The following APBB1IP variants were observed in gnomAD, a reference collection of about 807,000 sequenced individuals.
APBB1IP encodes the protein amyloid beta precursor protein binding family B member 1 interacting protein.
A neutral mutation model predicts 64.9 loss-of-function variants in APBB1IP; 27 were observed. The observed-to-expected ratio is 0.42, with a 90% confidence interval of 0.31 to 0.57. APBB1IP has a LOEUF of 0.57. APBB1IP is among the 20% of genes least tolerant of loss of function. APBB1IP has a pLI of 0.20. For synonymous variants in APBB1IP, 392 were observed against 331.0 expected (o/e 1.18, Z -2.00); for missense variants, 812 against 845.5 (o/e 0.96, Z 0.49).
intron 13 of APBB1IP, among the ~76,000 whole-genome samples, chr10:26,561,048 T>TTTTCTTTC (rs1225313382): frequency 1.4e-5 from 2 of 141,814 alleles, no homozygotes; most frequent in Non-Finnish European, 3.1e-5. Flanking sequence ...TCTTTTCTTT[T>TTTTCTTTC]TTTCTTTCTT....
At chr10:26,566,645 C>G (rs1265424349) in intron 14 of APBB1IP, among the ~76,000 whole-genome samples, 1 of 152,118 alleles carries the variant, frequency 6.6e-6, no homozygotes, top group Non-Finnish European at 1.5e-5. Context: ...GAGCTCATGA[C>G]CGACCAGGAG....
At chr10:26,545,551 G>C (rs1458350248) in intron 11 of APBB1IP, among the ~76,000 whole-genome samples, 4 of 152,094 alleles carry the variant, frequency 2.6e-5, no homozygotes, top group Non-Finnish European at 5.9e-5. Flanking sequence ...ACGAGGTCAG[G>C]AGATCGAGAC....
In APBB1IP at chr10:26,493,494, G is replaced by A. The variant is rs564869141; in HGVS notation, c.72+1096G>A. Among the ~76,000 whole-genome samples, 26 of 152,260 alleles carry A rather than the reference G, an allele frequency of 1.7e-4. No individual in the cohort carries two copies. In the South Asian group the frequency reaches 2.9e-3, roughly 17 times the overall value. ...GTATTAATTTGGGGAACTAATAAAC[G>A]TCCATGAAATCTTCGCAATTTAAGT... On this transcript the variant is annotated intron_variant, in intron 3 of 14. Coordinates refer to ENST00000376236, the MANE Select transcript of APBB1IP (RefSeq NM_019043.4).
chr10:26,503,158 T>A, intron 5 of APBB1IP, 39 bp from the exon 6 acceptor site: 2 of 1,601,764 alleles, frequency 1.2e-6, no homozygotes, highest in Non-Finnish European at 8.6e-7. Flanking sequence ...CTGGTATTAC[T>A]TAATGGACTG....
intron 2 of APBB1IP, among the ~76,000 whole-genome samples, chr10:26,476,867 C>T (rs978260194): frequency 6.6e-6 from 1 of 152,154 alleles, no homozygotes; most frequent in Admixed American, 6.5e-5. Flanking sequence ...ATGGCGTGAT[C>T]TCAGCTCACT....
At chr10:26,477,025 T>C (rs866082107) in intron 2 of APBB1IP, among the ~76,000 whole-genome samples, 8 of 152,308 alleles carry the variant, frequency 5.3e-5, no homozygotes, top group Middle Eastern at 6.8e-3. Context: ...GGTCTCGAAC[T>C]CCTGACCTCA....
chr10:26,500,714 A>G, intron 4 of APBB1IP, 105 bp from the exon 5 acceptor site: 2 of 1,091,304 alleles, frequency 1.8e-6, no homozygotes, highest in South Asian at 1.6e-5. Context: ...ACCAATCAAG[A>G]TAATGATTCC....
chr10:26,441,908 T>C (rs1181640884), intron 2 of APBB1IP, among the ~76,000 whole-genome samples: 1 of 152,224 alleles, frequency 6.6e-6, no homozygotes, highest in Non-Finnish European at 1.5e-5. Flanking sequence ...TACCAGGCCC[T>C]GTACTAATTT....
intron 9 of APBB1IP, among the ~76,000 whole-genome samples, chr10:26,534,637 T>A (rs570949810): frequency 6.6e-6 from 1 of 152,118 alleles, no homozygotes; most frequent in Admixed American, 6.5e-5. Flanking sequence ...CTGCCTGCTT[T>A]TCACAGCCCG....
chr10:26,551,330 CG>C (rs1836827724), intron 11 of APBB1IP, among the ~76,000 whole-genome samples: 1 of 152,240 alleles, frequency 6.6e-6, no homozygotes, highest in East Asian at 1.9e-4. Flanking sequence ...AGTGTGAGTC[CG>C]GGGGGACTTT....
At chr10:26,446,854 G>GTAATAGA (rs1835403837) in intron 2 of APBB1IP, among the ~76,000 whole-genome samples, 1 of 66,558 alleles carries the variant, frequency 1.5e-5, no homozygotes, top group African/African-American at 7.4e-5. Context: ...AGCAAAACCT[G>GTAATAGA]TAGATAGATA....
intron 9 of APBB1IP, among the ~76,000 whole-genome samples, chr10:26,533,779 A>G (rs1419022909): frequency 1.3e-5 from 2 of 152,218 alleles, no homozygotes; most frequent in African/African-American, 4.8e-5. Flanking sequence ...AAAAACTTCT[A>G]GCATTCCAAG....
intron 2 of APBB1IP, among the ~76,000 whole-genome samples, chr10:26,451,839 A>G (rs1355504872): frequency 6.6e-6 from 1 of 152,226 alleles, no homozygotes; most frequent in Non-Finnish European, 1.5e-5. Context: ...AATCCTCAAA[A>G]TCAGTAGACA....
Position 26,567,624 on chromosome 10 carries a change from C to T in APBB1IP, c.*136C>T. On this transcript the variant is annotated 3_prime_UTR_variant, in exon 15 of 15. Coordinates refer to ENST00000376236, the MANE Select transcript of APBB1IP (RefSeq NM_019043.4). ...AACTTCTCACTGATGTGCTCAAGTA[C>T]AGGCATAACCATTAACCCAGTAGAG... 4 of 1,424,884 alleles carry T rather than the reference C, an allele frequency of 2.8e-6. No homozygotes were observed. The highest frequency in any genetic ancestry group is 3.7e-6 in the Non-Finnish European group (4 of 1,072,368). 88.3% of individuals were successfully genotyped at this position (1,424,884 alleles called of 1,614,324 possible). A position where few individuals can be genotyped will look rare whatever the true frequency, so the allele number is the denominator to read the frequency against.
At chr10:26,527,798 T>C (rs547001920) in intron 8 of APBB1IP, among the ~76,000 whole-genome samples, 36 of 151,136 alleles carry the variant, frequency 2.4e-4, no homozygotes, top group South Asian at 4.2e-4. Context: ...GTTCAAGCGA[T>C]TCTGCTGCCT....
chr10:26,561,388 C>CTTTTTTT (rs34667769), intron 13 of APBB1IP, among the ~76,000 whole-genome samples: 1 of 122,532 alleles, frequency 8.2e-6, no homozygotes, highest in African/African-American at 3.0e-5. Context: ...TTCTTCTTTG[C>CTTTTTTT]TTTTTTTTTT....
At chr10:26,469,060 C>T (rs12243579) in intron 2 of APBB1IP, among the ~76,000 whole-genome samples, 2,227 of 151,680 alleles carry the variant, frequency 0.015, 56 homozygotes, top group African/African-American at 0.051. Flanking sequence ...TTTTGACTTC[C>T]GTTAGGGTCT....
intron 2 of APBB1IP, among the ~76,000 whole-genome samples, chr10:26,444,400 T>A (rs1835369684): frequency 6.6e-6 from 1 of 152,120 alleles, no homozygotes; most frequent in Non-Finnish European, 1.5e-5. Context: ...TAAGGCTCAC[T>A]CTGACTGCTT....
intron 2 of APBB1IP, among the ~76,000 whole-genome samples, chr10:26,446,472 A>G (rs181935750): frequency 6.2e-4 from 94 of 152,308 alleles, no homozygotes; most frequent in Admixed American, 1.6e-3. Context: ...AGTGCTATGC[A>G]GTGTGGTGAA....
Sources: allele counts gnomAD v4.1 joint callset (sites outside exome capture counted in the v4.1 genomes callset), GRCh38; gene constraint gnomAD v4.1.1; transcripts MANE v1.5; gene names NCBI Gene and HGNC (gene_info 2026-07-23, HGNC 2026-07-21).